DGKH: variants seen among roughly 807,000 people sequenced by gnomAD.
DGKH encodes the protein diacylglycerol kinase eta.
A neutral mutation model predicts 159.3 loss-of-function variants in DGKH; 90 were observed. That is an observed-to-expected ratio of 0.57 (90% CI 0.48 to 0.67). The LOEUF (loss-of-function observed/expected upper bound fraction) is 0.67. DGKH is among the 30% of genes least tolerant of loss of function. The pLI is 0.00. For missense variants in DGKH, 1,181 were observed against 1,506.1 expected, an observed-to-expected ratio of 0.78 and a Z score of 3.57; for synonymous variants, 536 against 553.8, an observed-to-expected ratio of 0.97 and a Z score of 0.45.
chr13:42,212,619 T>C (rs769672003), intron 24 of DGKH, among the ~76,000 whole-genome samples: 71 of 152,346 alleles, frequency 4.7e-4, no homozygotes, highest in Admixed American at 1.3e-3. Flanking sequence ...TGGCTTCCCA[T>C]CTGTTTTTAA....
chr13:42,087,163 G>A (rs149370730), intron 1 of DGKH, among the ~76,000 whole-genome samples: 109 of 151,610 alleles, frequency 7.2e-4, no homozygotes, highest in Admixed American at 1.9e-3. Context: ...GGACAGAGTG[G>A]AAAGGCCTCA....
At chr13:42,207,058 C>T (rs58118624) in intron 21 of DGKH, among the ~76,000 whole-genome samples, 1,052 of 27,720 alleles carry the variant, frequency 0.038, 119 homozygotes, top group Middle Eastern at 0.078. Flanking sequence ...TCCTTCTTTC[C>T]TTCCTTCTTT....
chr13:42,216,535 G>A (rs921624816), intron 26 of DGKH: 4 of 152,318 alleles, frequency 2.6e-5, no homozygotes, highest in Non-Finnish European at 5.9e-5. Flanking sequence ...GTGAATGAAT[G>A]GGAGGTGCAT....
At chr13:42,053,292 C>T (rs1881456581) in intron 1 of DGKH, among the ~76,000 whole-genome samples, 1 of 150,930 alleles carries the variant, frequency 6.6e-6, no homozygotes, top group South Asian at 2.1e-4. Flanking sequence ...CCTGCAGGTT[C>T]TGCACATGTA....
intron 1 of DGKH, among the ~76,000 whole-genome samples, chr13:42,076,879 T>C (rs1954110617): frequency 6.6e-6 from 1 of 152,196 alleles, no homozygotes. Flanking sequence ...AAAGAAGTTA[T>C]ATAAGTTATT....
rs1466048287 is a variant in DGKH at position 42,241,979 on chromosome 13, G to C, written c.*12791G>C. The C allele has an allele frequency of 1.3e-5, 2 of 152,166 alleles. No individual in the cohort carries two copies. The allele number at this position is 152,166 out of a possible 1,614,324, so 9.4% of individuals were successfully genotyped here. ...TTGTATGTGTATTCACAGTTTGATA[G>C]GCATATTTTGAAGTCATTGTTTTCC... On this transcript the variant is annotated 3_prime_UTR_variant, in exon 30 of 30. Coordinates refer to ENST00000337343, the MANE Select transcript of DGKH (RefSeq NM_178009.5).
chr13:42,127,622 G>A, intron 2 of DGKH, 49 bp downstream of exon 2: 2 of 1,540,346 alleles, frequency 1.3e-6, no homozygotes, highest in East Asian at 4.7e-5. Context: ...ATGGATGGAT[G>A]TAAAATTTTG....
chr13:42,210,549 A>G (rs1957627223), intron 23 of DGKH, 53 bp from the exon 24 acceptor site: 1 of 1,538,780 alleles, frequency 6.5e-7, no homozygotes, highest in South Asian at 1.2e-5. Context: ...ACACATTTAC[A>G]TGGACCTCTG....
At chr13:42,134,405 A>G (rs1042892928) in intron 3 of DGKH, among the ~76,000 whole-genome samples, 1 of 152,068 alleles carries the variant, frequency 6.6e-6, no homozygotes, top group Non-Finnish European at 1.5e-5. Context: ...GGAGTTAATA[A>G]CTTTGTTTTT....
At chr13:42,248,778 C>A (rs917698196) in intron 29 of DGKH, among the ~76,000 whole-genome samples, 1 of 151,800 alleles carries the variant, frequency 6.6e-6, no homozygotes, top group Non-Finnish European at 1.5e-5. Flanking sequence ...GCATTCAGTA[C>A]ACTAACATGC....
At chr13:42,225,427 G>A (rs1958099418) in intron 29 of DGKH, 2 of 1,166,906 alleles carry the variant, frequency 1.7e-6, no homozygotes, top group Admixed American at 2.9e-5. Flanking sequence ...TATCTACAAA[G>A]CATGCTTTGT....
chr13:42,206,141 G>T lies in DGKH; in HGVS notation c.2596G>T (p.Asp866Tyr). Reference protein sequence around the residue: ...GTNFWGGTKEDDIFAAPSFDD... With the variant: ...GTNFWGGTKEYDIFAAPSFDD... ...TAACTTTTGGGGTGGAACTAAAGAG[G>T]ATGATGTAAGTAATGGGAGTAAATA... Residue 866 changes from aspartate to tyrosine, a missense_variant, in exon 21 of 30, where the codon GAT (aspartate) becomes TAT (tyrosine). Transcript: ENST00000337343. 1 of 1,415,450 alleles carries T rather than the reference G, an allele frequency of 7.1e-7. No individual in the cohort carries two copies. Among genetic ancestry groups the T allele is most frequent in the Non-Finnish European group, 9.3e-7 (1 of 1,074,594 alleles). The allele number at this position is 1,415,450 out of a possible 1,614,324, so 87.7% of individuals were successfully genotyped here.
Position 42,159,244 on chromosome 13 carries a change from CTTTTTTTTTTTTT to C in DGKH, c.623-15_623-3del. ...TCTTGTCCACTTAAAAGCAGTTGCT[CTTTTTTTTTTTTT>C]TTTTTTAGTGTGTAAATTCAAGGCT... On this transcript the variant is annotated splice_polypyrimidine_tract_variant and intron_variant, in intron 5 of 29. Coordinates refer to ENST00000337343, the MANE Select transcript of DGKH (RefSeq NM_178009.5). 1.4e-5 allele frequency: 3 copies of C among 213,284 alleles called. 1 individual carries two copies. The highest frequency in any genetic ancestry group is 1.7e-4 in the East Asian group (2 of 11,456). 13.2% of individuals were successfully genotyped at this position (213,284 alleles called of 1,614,324 possible).
chr13:42,041,088 C>T (rs1202848354), intron 1 of DGKH, among the ~76,000 whole-genome samples: 1 of 152,134 alleles, frequency 6.6e-6, no homozygotes, highest in Non-Finnish European at 1.5e-5. Flanking sequence ...CGGGCTCCTC[C>T]TCGCGCGCCG....
intron 13 of DGKH, among the ~76,000 whole-genome samples, chr13:42,182,676 A>T (rs9533025): frequency 0.93 from 141,387 of 152,164 alleles, 66,020 homozygotes; most frequent in Non-Finnish European, 0.97. Flanking sequence ...ATGTTTTCAG[A>T]CCATGGTTGG....
intron 1 of DGKH, among the ~76,000 whole-genome samples, chr13:42,089,210 G>A (rs1260085948): frequency 6.6e-6 from 1 of 152,082 alleles, no homozygotes; most frequent in Non-Finnish European, 1.5e-5. Context: ...AGAACAAGTA[G>A]ACAAAAATCA....
At chr13:42,252,484 A>G (rs1958627374) in intron 30 of DGKH, 1 of 152,400 alleles carries the variant, frequency 6.6e-6, no homozygotes, top group African/African-American at 2.4e-5. Context: ...TTTAGGAGGT[A>G]AGTGGCCTGA....
At chr13:42,096,506 A>T (rs958207642) in intron 1 of DGKH, among the ~76,000 whole-genome samples, 1 of 152,158 alleles carries the variant, frequency 6.6e-6, no homozygotes, top group Non-Finnish European at 1.5e-5. Flanking sequence ...GACACCTGGG[A>T]TGATTCCATG....
chr13:42,053,472 A>G (rs140719100), intron 1 of DGKH, among the ~76,000 whole-genome samples: 6,260 of 146,790 alleles, frequency 0.043, 439 homozygotes, highest in African/African-American at 0.15. Flanking sequence ...ATATAACTAT[A>G]TGTATAACTA....
Sources: gnomAD v4.1 joint callset for allele counts (sites outside exome capture counted in the v4.1 genomes callset) on GRCh38, gnomAD v4.1.1 for gene constraint, MANE v1.5 for transcripts, NCBI Gene and HGNC (gene_info 2026-07-23, HGNC 2026-07-21) for gene names.